Variants in SAMHD1 observed in about 807,000 individuals in gnomAD.
SAMHD1 encodes the protein deoxynucleoside triphosphate triphosphohydrolase SAMHD1.
SAMHD1 carries 54 observed loss-of-function variants against 79.6 expected under a neutral mutation model. The observed-to-expected ratio is 0.68, with a 90% CI of 0.55 to 0.85. The LOEUF (loss-of-function observed/expected upper bound fraction) is 0.85. Among genes scored for constraint, SAMHD1 ranks in the 40% least tolerant of loss-of-function variants. The pLI is 0.00. For missense variants in SAMHD1, 663 were observed against 782.7 expected (o/e 0.85, Z 1.82); for synonymous variants, 260 against 264.1 (o/e 0.98, Z 0.15).
At chr20:36,947,310 GGTGTGT>G (rs35061251) in intron 1 of SAMHD1, among the ~76,000 whole-genome samples, 4,966 of 84,772 alleles carry the variant, frequency 0.059, 103 homozygotes, top group Non-Finnish European at 0.086. Flanking sequence ...ATTTGGAAGA[GGTGTGT>G]GTGTGTGTGT....
chr20:36,946,860 T>C, intron 1 of SAMHD1, 56 bp from the exon 2 acceptor site: 1 of 1,371,634 alleles, frequency 7.3e-7, no homozygotes, highest in Non-Finnish European at 1.0e-6. Flanking sequence ...TCATTTTCTT[T>C]CAATTTGGAT....
chr20:36,921,389 T>C (rs1336376401), intron 6 of SAMHD1, among the ~76,000 whole-genome samples: 2 of 53,104 alleles, frequency 3.8e-5, no homozygotes, highest in Non-Finnish European at 5.7e-5. Flanking sequence ...CGAGACTCTG[T>C]CTCAAAAAAA....
At chr20:36,927,091 A>C in intron 6 of SAMHD1, 91 bp downstream of exon 6, 1 of 1,119,424 alleles carries the variant, frequency 8.9e-7, no homozygotes, top group Non-Finnish European at 1.4e-6. Flanking sequence ...GTATTTTATA[A>C]CACAGTAGTG....
chr20:36,908,814 C>T (rs952769732), intron 11 of SAMHD1, among the ~76,000 whole-genome samples: 4 of 152,122 alleles, frequency 2.6e-5, no homozygotes, highest in Non-Finnish European at 4.4e-5. Context: ...GCAGCACTCT[C>T]GGCAGGAAGC....
At chr20:36,938,795 G>A (rs2063621080) in intron 3 of SAMHD1, among the ~76,000 whole-genome samples, 2 of 151,922 alleles carry the variant, frequency 1.3e-5, no homozygotes, top group South Asian at 2.1e-4. Context: ...GCAGTGAGCC[G>A]AGATTGCACC....
intron 15 of SAMHD1, chr20:36,893,783 C>G (rs1272225980): frequency 5.0e-6 from 2 of 397,482 alleles, no homozygotes; most frequent in Non-Finnish European, 8.9e-6. Context: ...TCGTGCTCCT[C>G]ATCTGCTTAT....
intron 6 of SAMHD1, among the ~76,000 whole-genome samples, chr20:36,925,964 C>T (rs1273692747): frequency 6.6e-6 from 1 of 152,002 alleles, no homozygotes; most frequent in Non-Finnish European, 1.5e-5. Flanking sequence ...TCTAGCTCCT[C>T]GGTATTTACC....
At chr20:36,934,657 C>CT (rs547804080) in intron 4 of SAMHD1, 41,878 of 111,878 alleles carry the variant, frequency 0.37, 8,946 homozygotes, top group South Asian at 0.55. Flanking sequence ...CTTTTTCTTT[C>CT]TTTTTTTTTT....
intron 4 of SAMHD1, 100 bp from the exon 5 acceptor site, chr20:36,930,975 T>C: frequency 2.5e-6 from 2 of 797,346 alleles, no homozygotes; most frequent in Non-Finnish European, 4.4e-6. Flanking sequence ...CATTCTAACA[T>C]ACCTTTAGGG....
intron 10 of SAMHD1, 68 bp downstream of exon 10, chr20:36,912,393 G>A: frequency 1.1e-6 from 1 of 912,608 alleles, no homozygotes; most frequent in Non-Finnish European, 1.8e-6. Context: ...GTCTAGTTGA[G>A]CCTAGTATGA....
At chr20:36,919,604 T>G (rs758340612) in intron 6 of SAMHD1, 85 bp from the exon 7 acceptor site, 2 of 1,226,182 alleles carry the variant, frequency 1.6e-6, no homozygotes, top group Non-Finnish European at 2.4e-6. Flanking sequence ...CAATTCCAAG[T>G]AATTCTGAGA....
chr20:36,923,363 A>C (rs1481190373), intron 6 of SAMHD1, among the ~76,000 whole-genome samples: 1 of 152,148 alleles, frequency 6.6e-6, no homozygotes, highest in African/African-American at 2.4e-5. Flanking sequence ...CAGAGGTTGC[A>C]GTGAGCTTAG....
intron 4 of SAMHD1, among the ~76,000 whole-genome samples, chr20:36,933,273 A>G (rs1340370907): frequency 2.0e-5 from 3 of 152,178 alleles, no homozygotes; most frequent in Non-Finnish European, 2.9e-5. Context: ...TCTACACTGC[A>G]TAATGGAAAT....
At chr20:36,920,269 C>A (rs920678549) in intron 6 of SAMHD1, among the ~76,000 whole-genome samples, 1 of 151,934 alleles carries the variant, frequency 6.6e-6, no homozygotes, top group Admixed American at 6.6e-5. Flanking sequence ...TGCACACCAC[C>A]CTACCCAGCT....
chr20:36,900,659 T>C (rs1458693553), intron 13 of SAMHD1, among the ~76,000 whole-genome samples: 2 of 151,592 alleles, frequency 1.3e-5, no homozygotes, highest in African/African-American at 4.9e-5. Flanking sequence ...CTCTGCCTCC[T>C]GGGTTCAAGC....
At chr20:36,945,877 C>G (rs1245168866) in intron 2 of SAMHD1, among the ~76,000 whole-genome samples, 1 of 151,764 alleles carries the variant, frequency 6.6e-6, no homozygotes, top group African/African-American at 2.4e-5. Flanking sequence ...GCACTCCAGT[C>G]TGGGTGACAG....
At chr20:36,910,964 C>T (rs182421958) in intron 11 of SAMHD1, among the ~76,000 whole-genome samples, 5 of 152,136 alleles carry the variant, frequency 3.3e-5, no homozygotes, top group African/African-American at 7.2e-5. Context: ...AAGCTAAAAT[C>T]GTTCCATCGG....
Position 36,935,204 on chromosome 20 carries a change from T to C in SAMHD1, c.349-15A>G. ...TCATTAATTACCTAGAAAATTATGT[T>C]TAATTAATACAAATAACGACATGTA... On this transcript the variant is annotated splice_polypyrimidine_tract_variant and intron_variant, in intron 3 of 15. Transcript: ENST00000646673. 6.2e-7 allele frequency: 1 copy of C among 1,604,418 alleles called. No homozygotes were observed. Among genetic ancestry groups the C allele is most frequent in the Non-Finnish European group, 8.5e-7 (1 of 1,171,334 alleles).
intron 6 of SAMHD1, chr20:36,926,972 T>C: frequency 1.9e-6 from 1 of 523,418 alleles, no homozygotes; most frequent in Non-Finnish European, 3.4e-6. Flanking sequence ...GTTCCTTTAT[T>C]TGTAAAAAGG....
Sources: allele counts gnomAD v4.1 joint callset (sites outside exome capture counted in the v4.1 genomes callset), GRCh38; gene constraint gnomAD v4.1.1; transcripts MANE v1.5; gene names NCBI Gene and HGNC (gene_info 2026-07-23, HGNC 2026-07-21).